The following GAN variants were observed in gnomAD, a reference collection of about 807,000 sequenced individuals.
The protein encoded by GAN is epididymis secretory sperm binding protein.
Under a neutral mutation model 71.3 loss-of-function variants are expected in GAN, and 48 were observed. That is an observed-to-expected ratio of 0.67 (90% CI 0.53 to 0.86). GAN has a LOEUF of 0.86. Among genes scored for constraint, GAN ranks in the 40% least tolerant of loss-of-function variants. The probability of loss-of-function intolerance (pLI) is 0.00; values close to 1 mark genes in which losing one functional copy is unlikely to be tolerated. For missense variants in GAN, 928 were observed against 770.1 expected, an observed-to-expected ratio of 1.21 and a Z score of -2.43; for synonymous variants, 386 against 276.8, an observed-to-expected ratio of 1.39 and a Z score of -3.92.
intron 9 of GAN, among the ~76,000 whole-genome samples, chr16:81,368,065 C>A (rs1011204589): frequency 1.3e-5 from 2 of 152,106 alleles, no homozygotes; most frequent in African/African-American, 4.8e-5. Context: ...TCTTGTCTTT[C>A]CTGTCTTTGT....
chr16:81,334,222 A>G (rs1245261170), intron 1 of GAN, among the ~76,000 whole-genome samples: 1 of 152,186 alleles, frequency 6.6e-6, no homozygotes, highest in East Asian at 1.9e-4. Flanking sequence ...AGGAGAATGG[A>G]AAAGGTTTCT....
rs1057369197 is a variant in GAN, at chr16:81,381,920, A to T, written c.*4324A>T. The T allele has an allele frequency of 4.6e-5, 7 of 152,234 alleles. No homozygotes were observed. The highest frequency in any genetic ancestry group is 1.7e-4 in the African/African-American group (7 of 41,460). The allele number at this position is 152,234 out of a possible 1,614,324, so 9.4% of individuals were successfully genotyped here. ...CCTCCTATATGGAGCTGAAACTAGTATAGCATAAACAATGCCAAGTGCCTG... is the reference window on the plus strand; with the variant it reads ...CCTCCTATATGGAGCTGAAACTAGTTTAGCATAAACAATGCCAAGTGCCTG... On this transcript the variant is annotated 3_prime_UTR_variant, in exon 11 of 11. Coordinates refer to ENST00000648994, the MANE Select transcript of GAN (RefSeq NM_022041.4).
At chr16:81,361,356 C>T (rs149058490) in intron 5 of GAN, among the ~76,000 whole-genome samples, 6 of 151,920 alleles carry the variant, frequency 3.9e-5, no homozygotes, top group Non-Finnish European at 5.9e-5. Context: ...TGCCAGTTGA[C>T]TGAAAACACT....
intron 1 of GAN, among the ~76,000 whole-genome samples, chr16:81,329,077 C>T (rs192139510): frequency 3.9e-5 from 6 of 152,240 alleles, no homozygotes; most frequent in Non-Finnish European, 4.4e-5. Context: ...GATTTACATG[C>T]CAATCTTCTG....
rs894228572 is a variant in GAN, at chr16:81,384,939, C to G, written c.*7343C>G. The G allele has an allele frequency of 3.2e-5, 5 of 154,254 alleles. No individual in the cohort carries two copies. The highest frequency in any genetic ancestry group is 2.0e-4 in the South Asian group (1 of 4,918). The allele number at this position is 154,254 out of a possible 1,614,324, so 9.6% of individuals were successfully genotyped here. A position where few individuals can be genotyped will look rare whatever the true frequency, so the allele number is the denominator to read the frequency against. On this transcript the variant is annotated 3_prime_UTR_variant, in exon 11 of 11. Transcript: ENST00000648994. ...AGATCTTGTAATAATGGCCCAGTTT[C>G]AGGGCACAGTTGTACACATTCTACT...
rs1353921750 is a variant in GAN at position 81,385,242 on chromosome 16, T to A, written c.*7646T>A. The A allele has an allele frequency of 1.3e-5, 2 of 151,936 alleles. No homozygotes were observed. Among genetic ancestry groups the A allele is most frequent in the Admixed American group, 1.3e-4 (2 of 15,282 alleles). 9.4% of individuals were successfully genotyped at this position (151,936 alleles called of 1,614,324 possible). ...ACTTAGCTCAGGACATGAGACTGAC[T>A]TAGCTCAGGACATGAGACATTTCCT... On this transcript the variant is annotated 3_prime_UTR_variant, in exon 11 of 11. Transcript: ENST00000648994.
intron 1 of GAN, among the ~76,000 whole-genome samples, chr16:81,326,362 A>G (rs36170362): frequency 0.056 from 1,446 of 25,692 alleles, 25 homozygotes; most frequent in African/African-American, 0.13. Context: ...TACTAAAAAT[A>G]CAAAAAAAAA....
chr16:81,373,493 ATAGT>A (rs1207040492), intron 9 of GAN, among the ~76,000 whole-genome samples: 1 of 152,250 alleles, frequency 6.6e-6, no homozygotes, highest in Non-Finnish European at 1.5e-5. Context: ...AGTTGCAGAA[ATAGT>A]TAAAGAGTTC....
chr16:81,326,667 G>C (rs930547504), intron 1 of GAN, among the ~76,000 whole-genome samples: 2 of 152,230 alleles, frequency 1.3e-5, no homozygotes, highest in African/African-American at 2.4e-5. Flanking sequence ...TACAAACCTA[G>C]AGGGCATAAC....
intron 1 of GAN, among the ~76,000 whole-genome samples, chr16:81,317,501 A>T (rs1050701459): frequency 6.6e-6 from 1 of 152,252 alleles, no homozygotes; most frequent in Non-Finnish European, 1.5e-5. Flanking sequence ...AATAGTGTTG[A>T]CACCTCATAG....
intron 3 of GAN, among the ~76,000 whole-genome samples, 197 bp downstream of exon 3, chr16:81,354,952 A>G (rs909580808): frequency 6.6e-6 from 1 of 152,208 alleles, no homozygotes; most frequent in African/African-American, 2.4e-5. Context: ...GCCACACAAT[A>G]TATCAGTGAA....
At chr16:81,340,418 G>A (rs1219880764) in intron 1 of GAN, among the ~76,000 whole-genome samples, 1 of 152,198 alleles carries the variant, frequency 6.6e-6, no homozygotes, top group Non-Finnish European at 1.5e-5. Flanking sequence ...CCCCTCTGGG[G>A]CGAAGCTTCC....
chr16:81,377,902 A>T lies in GAN; in HGVS notation c.*306A>T. 1 of 417,588 alleles carries T rather than the reference A, an allele frequency of 2.4e-6. No individual in the cohort carries two copies. The highest frequency in any genetic ancestry group is 4.4e-6 in the Non-Finnish European group (1 of 225,486). 25.9% of individuals were successfully genotyped at this position (417,588 alleles called of 1,614,324 possible). A position where few individuals can be genotyped will look rare whatever the true frequency, so the allele number is the denominator to read the frequency against. On this transcript the variant is annotated 3_prime_UTR_variant, in exon 11 of 11. Transcript: ENST00000648994. ...GGGAATTGCTATCATGTAAAATATC[A>T]AAGTTAAAATACTAAGGTGCATTTT...
intron 3 of GAN, among the ~76,000 whole-genome samples, chr16:81,355,919 A>G (rs1452813570): frequency 6.6e-6 from 1 of 152,248 alleles, no homozygotes; most frequent in Non-Finnish European, 1.5e-5. Context: ...AGGTAAGGAC[A>G]GGTAGTGTTC....
Position 81,362,523 on chromosome 16 carries a change from GC to G in GAN, c.1000del (p.Gln334LysfsTer27). 1 of 1,605,910 alleles carries G rather than the reference GC, an allele frequency of 6.2e-7. No individual in the cohort carries two copies. The highest frequency in any genetic ancestry group is 8.5e-7 in the Non-Finnish European group (1 of 1,172,542). On this transcript the variant is annotated frameshift_variant, in exon 6 of 11. Coordinates refer to ENST00000648994, the MANE Select transcript of GAN (RefSeq NM_022041.4). LOFTEE classifies it high-confidence loss of function. The stretch of plus-strand genomic sequence containing the variant: ...GAAGGATTTTTGTTTGTATTCGGGG[GC>G]CAAGATGAAAATAAGCAGACTCTTA... ...SAEGFLFVFG[G>X]QDENKQTLSS...
chr16:81,347,707 A>G (rs532411935), intron 1 of GAN, among the ~76,000 whole-genome samples: 1 of 152,304 alleles, frequency 6.6e-6, no homozygotes, highest in African/African-American at 2.4e-5. Flanking sequence ...AGAATTTTAA[A>G]GTAATTTCTT....
At chr16:81,370,083 T>C (rs1910990036) in intron 9 of GAN, among the ~76,000 whole-genome samples, 1 of 152,246 alleles carries the variant, frequency 6.6e-6, no homozygotes, top group South Asian at 2.1e-4. Flanking sequence ...AGTTTGCTTT[T>C]ACTTGTCAGG....
intron 1 of GAN, among the ~76,000 whole-genome samples, chr16:81,351,234 C>T (rs1001227137): frequency 1.3e-5 from 2 of 152,024 alleles, no homozygotes; most frequent in Non-Finnish European, 2.9e-5. Context: ...TTTGTGGAGT[C>T]CTTGTTACAT....
chr16:81,321,461 T>C (rs1205638175), intron 1 of GAN, among the ~76,000 whole-genome samples: 1 of 152,364 alleles, frequency 6.6e-6, no homozygotes, highest in African/African-American at 2.4e-5. Flanking sequence ...GTTTTTGTTA[T>C]ATAATTTAGG....
Sources: allele counts gnomAD v4.1 joint callset (sites outside exome capture counted in the v4.1 genomes callset), GRCh38; gene constraint gnomAD v4.1.1; transcripts MANE v1.5; gene names NCBI Gene and HGNC (gene_info 2026-07-23, HGNC 2026-07-21).